The following IDS variants were observed in gnomAD, a reference collection of about 807,000 sequenced individuals.
IDS encodes alpha-L-iduronate sulfate sulfatase.
Under a neutral mutation model 33.5 loss-of-function variants are expected in IDS, and 1 was observed. The ratio of observed to expected loss-of-function variants is 0.03; its 90% CI spans 0.01 to 0.14. IDS has a LOEUF of 0.14. Ranked by LOEUF, IDS falls within the 10% of genes least tolerant of loss-of-function variation. The pLI, the probability that IDS is intolerant of heterozygous loss-of-function variation, is 1.00. For synonymous variants in IDS, 191 were observed against 184.4 expected (o/e 1.04, Z -0.29); for missense variants, 328 against 448.0 (o/e 0.73, Z 2.42).
rs1277714046 is a variant in IDS at position 149,478,662 on chromosome X, C to T, written c.*4084G>A. The T allele has an allele frequency of 8.9e-6, 1 of 112,646 alleles. No individual in the cohort carries two copies. The highest frequency in any genetic ancestry group is 1.9e-5 in the Non-Finnish European group (1 of 53,338). 9.3% of individuals were successfully genotyped at this position (112,646 alleles called of 1,213,427 possible). On this transcript the variant is annotated 3_prime_UTR_variant, in exon 9 of 9. Coordinates refer to ENST00000340855, the MANE Select transcript of IDS (RefSeq NM_000202.8). The stretch of plus-strand genomic sequence containing the variant: ...TGGGTATGTCTCAAATGCTGGGCTT[C>T]TTTTCATCTCCAGTTTTCACATGTT...
At chrX:149,490,235 G>A in intron 7 of IDS, 79 bp downstream of exon 7, 1 of 1,061,739 alleles carries the variant, frequency 9.4e-7, no homozygotes, top group Non-Finnish European at 1.3e-6. Context: ...CCATGTTTAT[G>A]TCAATGGCAA....
At chrX:149,504,351 C>G in intron 1 of IDS, 58 bp from the exon 2 acceptor site, 1 of 1,120,041 alleles carries the variant, frequency 8.9e-7, no homozygotes, top group Non-Finnish European at 1.2e-6. Context: ...AACCCTCCCT[C>G]ATGGTAGGTG....
At chrX:149,487,342 C>A in intron 7 of IDS, 1 of 1,082,565 alleles carries the variant, frequency 9.2e-7, no homozygotes, top group South Asian at 1.9e-5. Flanking sequence ...AATTAAATTC[C>A]CAAACTCAAA....
chrX:149,497,306 G>A (rs1188289094), intron 5 of IDS, among the ~76,000 whole-genome samples: 1 of 112,495 alleles, frequency 8.9e-6, no homozygotes, highest in Non-Finnish European at 1.9e-5. Flanking sequence ...CCAGCCAAGG[G>A]CTAGACTTAT....
intron 7 of IDS, chrX:149,487,315 T>C: frequency 1.5e-5 from 17 of 1,170,791 alleles, no homozygotes; most frequent in Non-Finnish European, 2.0e-5. Context: ...TGAGGAAACC[T>C]TTAAAAAAGA....
In IDS at chrX:149,498,213, C is replaced by G. The variant is rs781928539; in HGVS notation, c.602G>C (p.Ser201Thr). The part of the protein sequence containing the change: ...VPEGTLPDKQ[S>T]TEQAIQLLEK... The stretch of plus-strand genomic sequence containing the variant: ...CAACAACTGTATGGCTTGCTCAGTG[C>G]TCTGTTTGTCAGGCAAGGTGCCCTC... Residue 201 changes from serine to threonine, a missense_variant, in exon 5 of 9, where the codon AGC (serine) becomes ACC (threonine). Physicochemically the swap from Ser to Thr is moderately conservative, Grantham distance 58 (BLOSUM62 1). Around this residue, in one of 4 missense-constraint regions of IDS, gnomAD observed 265 missense variants for 339.2 expected, o/e 0.78. Transcript: ENST00000340855. The G allele has an allele frequency of 8.3e-7, 1 of 1,211,592 alleles. No individual in the cohort carries two copies. The highest frequency in any genetic ancestry group is 1.1e-6 in the Non-Finnish European group (1 of 895,030).
At chrX:149,500,145 G>A (rs1557339796) in intron 4 of IDS, among the ~76,000 whole-genome samples, 1 of 111,513 alleles carries the variant, frequency 9.0e-6, no homozygotes. Context: ...AATGGGTAGG[G>A]GGCAGTTAGG....
At chrX:149,486,253 G>A (rs959236183) in intron 8 of IDS, among the ~76,000 whole-genome samples, 1 of 111,724 alleles carries the variant, frequency 9.0e-6, no homozygotes, top group Admixed American at 9.5e-5. Flanking sequence ...CAGAGACCAG[G>A]ACAACCACGC....
rs781925060 is a variant in IDS, at chrX:149,486,939, T to A, written c.1166A>T (p.Gln389Leu). Residue 389 changes from glutamine (Q) to leucine (L), a missense_variant, in exon 8 of 9, where the codon CAG becomes CTG. This residue lies in a region of IDS where 265 missense variants were observed against 339.2 expected (regional missense o/e 0.78). Transcript: ENST00000340855. ...ATATTTTATACCTGGCTCCATCAAC[T>A]GTGAGGCGGAATCAAAAGGGTCGAG... ...PYLDPFDSAS[Q>L]LMEPGRQSMD... 4 of 1,211,682 alleles carry A rather than the reference T, an allele frequency of 3.3e-6. No individual in the cohort carries two copies. The Admixed American group carries it at 8.7e-5, about 26-fold the overall frequency.
rs1210168364 is a variant in IDS at position 149,482,940 on chromosome X, T to C, written c.1459A>G (p.Ile487Val). Residue 487 changes from isoleucine to valine, a missense_variant, in exon 9 of 9, where the codon ATC (isoleucine) becomes GTC (valine). Transcript: ENST00000340855. Reference protein sequence around the residue: ...SDKPSLKDIKIMGYSIRTIDY... With the variant: ...SDKPSLKDIKVMGYSIRTIDY... ...ATGGTGCGTATGGAATAGCCCATGATCTTTATATCTTTTAAACTCGGCTTG... is the reference window on the plus strand; with the variant it reads ...ATGGTGCGTATGGAATAGCCCATGACCTTTATATCTTTTAAACTCGGCTTG... 3 of 1,209,693 alleles carry C rather than the reference T, an allele frequency of 2.5e-6. No homozygotes were observed. The highest frequency in any genetic ancestry group is 3.4e-6 in the Non-Finnish European group (3 of 895,014).
chrX:149,484,889 A>G (rs1285299677), intron 8 of IDS, among the ~76,000 whole-genome samples: 1 of 112,298 alleles, frequency 8.9e-6, no homozygotes, highest in African/African-American at 3.2e-5. Context: ...TACCTTTACA[A>G]TGGCAAGATC....
At chrX:149,486,285 G>A (rs1050394132) in intron 8 of IDS, among the ~76,000 whole-genome samples, 3 of 111,804 alleles carry the variant, frequency 2.7e-5, no homozygotes, top group Non-Finnish European at 3.8e-5. Context: ...ACCTTGTGAC[G>A]AATGGTTGAA....
rs1557339495 is a variant in IDS, at chrX:149,498,117, C to G, written c.698G>C (p.Arg233Thr). The part of the protein sequence containing the change: ...VGYHKPHIPF[R>T]YPKEFQKLYP... ...CAACCAGCTCTTCACCTTGGGGTAT[C>G]TGAAGGGGATGTGTGGCTTATGATA... Residue 233 changes from arginine (R) to threonine (T), a missense_variant, in exon 5 of 9, where the codon AGA becomes ACA. Arg to Thr is a moderately conservative substitution (Grantham distance 71). Coordinates refer to ENST00000340855, the MANE Select transcript of IDS (RefSeq NM_000202.8). The G allele has an allele frequency of 8.3e-7, 1 of 1,209,165 alleles. No homozygotes were observed. Among genetic ancestry groups the G allele is most frequent in the Admixed American group, 2.2e-5 (1 of 46,041 alleles).
chrX:149,496,559 CA>C, intron 5 of IDS, 43 bp from the exon 6 acceptor site: 2 of 1,167,513 alleles, frequency 1.7e-6, no homozygotes, highest in Non-Finnish European at 2.3e-6. Flanking sequence ...ACTCTTTTAG[CA>C]AAAGCACAAG....
At chrX:149,504,982 A>AAGGAAGGGAGGG (rs1309628114) in intron 1 of IDS, 53 bp downstream of exon 1, 2 of 824,255 alleles carry the variant, frequency 2.4e-6, no homozygotes, top group East Asian at 3.9e-5. Flanking sequence ...AGGAAGGAGG[A>AAGGAAGGGAGGG]AGGAAGGGAG....
rs1335857834 is a variant in IDS at position 149,482,205 on chromosome X, AT to A, written c.*540del. The A allele has an allele frequency of 3.6e-5, 4 of 110,884 alleles. No individual in the cohort carries two copies. Among genetic ancestry groups the A allele is most frequent in the Non-Finnish European group, 5.7e-5 (3 of 52,965 alleles). 9.1% of individuals were successfully genotyped at this position (110,884 alleles called of 1,213,427 possible). A position where few individuals can be genotyped will look rare whatever the true frequency, so the allele number is the denominator to read the frequency against. On this transcript the variant is annotated 3_prime_UTR_variant, in exon 9 of 9. Coordinates refer to ENST00000340855, the MANE Select transcript of IDS (RefSeq NM_000202.8). ...AGACTTTAAGACACTGGCTTCTGCT[AT>A]TTTTTTTTAACTTTAGATTTGAAAA...
chrX:149,496,050 G>A (rs1355226225), intron 6 of IDS, among the ~76,000 whole-genome samples: 2 of 112,181 alleles, frequency 1.8e-5, no homozygotes, highest in Non-Finnish European at 3.8e-5. Context: ...GGTTAGGAAC[G>A]GTCACCCAGG....
intron 1 of IDS, 87 bp from the exon 2 acceptor site, chrX:149,504,380 C>G: frequency 3.1e-6 from 3 of 978,207 alleles, no homozygotes; most frequent in Non-Finnish European, 4.2e-6. Context: ...CTAAGAGGCC[C>G]AAGGCTGGAC....
chrX:149,482,474 G>T lies in IDS; in HGVS notation c.*272C>A. ...GACATAACTTGAGTTTGTTTGCTTT[G>T]TATTTATTCAGTAAATAAGCCGTAA... On this transcript the variant is annotated 3_prime_UTR_variant, in exon 9 of 9. Transcript: ENST00000340855. 1 of 358,964 alleles carries T rather than the reference G, an allele frequency of 2.8e-6. No homozygotes were observed. The highest frequency in any genetic ancestry group is 5.2e-5 in the East Asian group (1 of 19,231). The allele number at this position is 358,964 out of a possible 1,213,427, so 29.6% of individuals were successfully genotyped here.
Sources: allele counts gnomAD v4.1 joint callset (sites outside exome capture counted in the v4.1 genomes callset), GRCh38; gene constraint gnomAD v4.1.1; regional missense constraint gnomAD v4.1.1; transcripts MANE v1.5; gene names NCBI Gene and HGNC (gene_info 2026-07-23, HGNC 2026-07-21).